Variants in FRMD3 observed in about 807,000 individuals in gnomAD.
The protein encoded by FRMD3 is FERM domain containing 3.
In FRMD3, 33 loss-of-function variants were observed where a neutral mutation model predicts 70.2. That is an observed-to-expected ratio of 0.47 (90% CI 0.36 to 0.63). The LOEUF is 0.63. Among genes scored for constraint, FRMD3 ranks in the 20% least tolerant of loss-of-function variants. FRMD3 has a pLI of 0.00. For missense variants in FRMD3, 632 were observed against 711.4 expected (o/e 0.89, Z 1.27); for synonymous variants, 279 against 255.9 (o/e 1.09, Z -0.86).
At position 83,537,479 on chromosome 9, in the gene FRMD3, C is replaced by G. The variant is rs952157935; in HGVS notation, c.147+606G>C. On this transcript the variant is annotated intron_variant, in intron 1 of 13. Transcript: ENST00000304195. The surrounding 1 kb of genome is among the most constrained non-coding windows in gnomAD (Gnocchi z 4.1). Reference sequence around the variant, plus strand: ...CCGGCGCAGCGCGCGCTCCATCCCTCAAGGCTGGCGCCCAGGGCAGCCCGG... The same window carrying G: ...CCGGCGCAGCGCGCGCTCCATCCCTGAAGGCTGGCGCCCAGGGCAGCCCGG... 9.2e-5 allele frequency among the ~76,000 whole-genome samples: 14 copies of G among 152,212 alleles called. 1 individual carries two copies.
At chr9:83,429,854 A>G (rs1411778211) in intron 1 of FRMD3, among the ~76,000 whole-genome samples, 2 of 152,006 alleles carry the variant, frequency 1.3e-5, no homozygotes, top group Admixed American at 6.6e-5. Flanking sequence ...TCTGACCTCT[A>G]TGCAGAGATG....
chr9:83,355,853 G>A (rs1824318574), intron 3 of FRMD3, among the ~76,000 whole-genome samples: 1 of 152,124 alleles, frequency 6.6e-6, no homozygotes, highest in Non-Finnish European at 1.5e-5. Context: ...GCAGAGAAGG[G>A]GGAAAAAGTG....
the FRMD3 span, among the ~76,000 whole-genome samples, chr9:83,582,378 T>C: frequency 6.6e-6 from 1 of 152,240 alleles, no homozygotes; most frequent in South Asian, 2.1e-4. Flanking sequence ...ATTAAAGTGA[T>C]ACTATTTAGT....
In FRMD3 at chr9:83,321,087, T is replaced by C. The variant is rs147251799; in HGVS notation, c.597-7340A>G. ...TGGATCTTCTCCTTTTCTTGGTTAG[T>C]CTAGATAATGGTTTATCAATTCTGT... On this transcript the variant is annotated intron_variant, in intron 6 of 13. Transcript: ENST00000304195. 4.4e-3 allele frequency among the ~76,000 whole-genome samples: 669 copies of C among 152,298 alleles called. 6 individuals carry two copies. Among genetic ancestry groups the C allele is most frequent in the African/African-American group, 0.016 (646 of 41,582 alleles).
At chr9:83,483,552 T>C (rs887933913) in intron 1 of FRMD3, among the ~76,000 whole-genome samples, 1 of 152,172 alleles carries the variant, frequency 6.6e-6, no homozygotes, top group South Asian at 2.1e-4. Flanking sequence ...CGTCTGAAAC[T>C]AAAACCTTAT....
In FRMD3 at chr9:83,245,615, T is replaced by A; in HGVS notation, c.*2303A>T. The A allele has an allele frequency of 3.8e-6, 3 of 797,914 alleles. No homozygotes were observed. The highest frequency in any genetic ancestry group is 4.6e-6 in the Non-Finnish European group (3 of 658,768). 49.4% of individuals were successfully genotyped at this position (797,914 alleles called of 1,614,324 possible). A position where few individuals can be genotyped will look rare whatever the true frequency, so the allele number is the denominator to read the frequency against. On this transcript the variant is annotated 3_prime_UTR_variant, in exon 14 of 14. Transcript: ENST00000304195. ...GTGATATTTATACTATCATATTTTT[T>A]AAGTATTTTACAATGGAAAATATAT...
intron 3 of FRMD3, among the ~76,000 whole-genome samples, chr9:83,353,385 T>C (rs72743079): frequency 0.13 from 19,293 of 152,190 alleles, 1,327 homozygotes; most frequent in Non-Finnish European, 0.15. Flanking sequence ...CTAAAGAATG[T>C]TCCTTCACAG....
At chr9:83,289,994 T>G (rs1177327175) in intron 13 of FRMD3, among the ~76,000 whole-genome samples, 2 of 152,208 alleles carry the variant, frequency 1.3e-5, no homozygotes, top group Non-Finnish European at 2.9e-5. Flanking sequence ...CACTTCACTT[T>G]TTTTTAGCTT....
chr9:83,419,131 C>A (rs547660735), intron 1 of FRMD3, among the ~76,000 whole-genome samples: 2 of 151,904 alleles, frequency 1.3e-5, no homozygotes, highest in African/African-American at 4.8e-5. Context: ...TTTAGAGACT[C>A]GGAAGGGGAA....
chr9:83,419,562 C>T (rs1006119988), intron 1 of FRMD3, among the ~76,000 whole-genome samples: 11 of 144,488 alleles, frequency 7.6e-5, no homozygotes, highest in East Asian at 6.1e-4. Context: ...TGTGTGTTCA[C>T]GTGTGTTGAA....
intron 1 of FRMD3, among the ~76,000 whole-genome samples, chr9:83,509,861 C>T (rs572777410): frequency 1.1e-4 from 16 of 152,080 alleles, no homozygotes; most frequent in African/African-American, 3.4e-4. Context: ...AGATGGAAAA[C>T]GCACATTCTC....
intron 1 of FRMD3, among the ~76,000 whole-genome samples, chr9:83,476,780 G>A (rs1828409092): frequency 6.6e-6 from 1 of 152,164 alleles, no homozygotes; most frequent in South Asian, 2.1e-4. Flanking sequence ...TATCCCTTGA[G>A]TCGTAATCAT....
chr9:83,317,111 A>G (rs1054401077), intron 6 of FRMD3, among the ~76,000 whole-genome samples: 2 of 151,946 alleles, frequency 1.3e-5, no homozygotes, highest in Non-Finnish European at 2.9e-5. Flanking sequence ...TGGGTGGCAG[A>G]GCAAGAAAGA....
chr9:83,381,487 C>A (rs1385404817), intron 2 of FRMD3, among the ~76,000 whole-genome samples: 3 of 151,440 alleles, frequency 2.0e-5, no homozygotes, highest in Non-Finnish European at 4.4e-5. Context: ...ACCCGGGAGG[C>A]AGAGGTTGCA....
chr9:83,555,607 G>A, the FRMD3 span, among the ~76,000 whole-genome samples: 3 of 152,230 alleles, frequency 2.0e-5, no homozygotes, highest in Admixed American at 2.0e-4. Context: ...GTCTTATCTT[G>A]TGAAGTGTCA....
intron 2 of FRMD3, among the ~76,000 whole-genome samples, chr9:83,378,120 T>G (rs115051847): frequency 6.6e-6 from 1 of 152,206 alleles, no homozygotes; most frequent in African/African-American, 2.4e-5. Flanking sequence ...GGTTAATTCA[T>G]GAAGAAGGCC....
the FRMD3 span, among the ~76,000 whole-genome samples, chr9:83,572,960 T>C: frequency 2.6e-5 from 4 of 152,312 alleles, no homozygotes; most frequent in Non-Finnish European, 4.4e-5. Flanking sequence ...TGGAAATGTA[T>C]TTATAATACA....
chr9:83,372,285 A>AGGTGGAT (rs1283162355), intron 3 of FRMD3, among the ~76,000 whole-genome samples: 1 of 151,630 alleles, frequency 6.6e-6, no homozygotes, highest in African/African-American at 2.4e-5. Context: ...ACAGGGTCCC[A>AGGTGGAT]GGTGGATGAC....
chr9:83,442,015 G>T (rs528976610), intron 1 of FRMD3, among the ~76,000 whole-genome samples: 1 of 152,086 alleles, frequency 6.6e-6, no homozygotes, highest in Admixed American at 6.5e-5. Flanking sequence ...AAGAACGTGC[G>T]CACTAAAGCC....
Sources: allele counts gnomAD v4.1 joint callset (sites outside exome capture counted in the v4.1 genomes callset), GRCh38; gene constraint gnomAD v4.1.1; non-coding constraint Gnocchi (gnomAD v3.1); transcripts MANE v1.5; gene names NCBI Gene and HGNC (gene_info 2026-07-23, HGNC 2026-07-21).